MARCHF1: variants seen among roughly 807,000 people sequenced by gnomAD.
The protein encoded by MARCHF1 is E3 ubiquitin-protein ligase MARCHF1.
A neutral mutation model predicts 54.2 loss-of-function variants in MARCHF1; 40 were observed. That is an observed-to-expected ratio of 0.74 (90% CI 0.57 to 0.96). The LOEUF is 0.96. Among genes scored for constraint, MARCHF1 ranks in the 40% least tolerant of loss-of-function variants. The pLI is 0.00. For missense variants in MARCHF1, 586 were observed against 656.5 expected, an observed-to-expected ratio of 0.89 and a Z score of 1.17; for synonymous variants, 236 against 236.3, an observed-to-expected ratio of 1.00 and a Z score of 0.01.
At chr4:164,301,111 A>C (rs547957774) in intron 1 of MARCHF1, among the ~76,000 whole-genome samples, 12 of 152,290 alleles carry the variant, frequency 7.9e-5, no homozygotes, top group African/African-American at 1.9e-4. Flanking sequence ...CTTATGCATA[A>C]TTAATATATT....
In MARCHF1 at chr4:164,303,279, T is replaced by C. The variant is rs562776148; in HGVS notation, c.-323+80591A>G. On this transcript the variant is annotated intron_variant, in intron 1 of 9. Transcript: ENST00000514618. The stretch of plus-strand genomic sequence containing the variant: ...TGCTTTATAATTTGTGACCAAACTT[T>C]ATGATTTATTCCAGTGCAATAAAGG... 2.0e-5 allele frequency among the ~76,000 whole-genome samples: 3 copies of C among 152,354 alleles called. No homozygotes were observed. The South Asian group carries it at 6.2e-4, about 32-fold the overall frequency.
At chr4:164,291,364 C>T (rs1201048735) in intron 1 of MARCHF1, among the ~76,000 whole-genome samples, 1 of 151,956 alleles carries the variant, frequency 6.6e-6, no homozygotes, top group African/African-American at 2.4e-5. Flanking sequence ...AATAAACTTT[C>T]TTTAAACTAA....
intron 3 of MARCHF1, among the ~76,000 whole-genome samples, chr4:163,976,235 C>A (rs771501640): frequency 9.9e-5 from 15 of 152,026 alleles, no homozygotes; most frequent in Non-Finnish European, 1.8e-4. Flanking sequence ...GTGTAGAGGA[C>A]AAATAACTTG....
At chr4:163,966,152 T>G (rs542447571) in intron 3 of MARCHF1, among the ~76,000 whole-genome samples, 1 of 152,076 alleles carries the variant, frequency 6.6e-6, no homozygotes. Context: ...ATGTGCTATA[T>G]TACACTAATA....
chr4:163,868,110 T>C (rs1405176720), intron 3 of MARCHF1, among the ~76,000 whole-genome samples: 1 of 151,886 alleles, frequency 6.6e-6, no homozygotes, highest in Non-Finnish European at 1.5e-5. Context: ...CTCCAAGAAA[T>C]GGATGGGTGC....
intron 1 of MARCHF1, among the ~76,000 whole-genome samples, chr4:164,166,650 C>A (rs983339527): frequency 1.3e-5 from 2 of 151,624 alleles, no homozygotes; most frequent in African/African-American, 4.8e-5. Flanking sequence ...CTAGCAGGAG[C>A]AATCAGACAA....
At chr4:163,780,366 C>T (rs899604378) in intron 4 of MARCHF1, among the ~76,000 whole-genome samples, 5 of 152,092 alleles carry the variant, frequency 3.3e-5, no homozygotes, top group African/African-American at 4.8e-5. Flanking sequence ...TGGAATATGT[C>T]GTATTTTGAT....
chr4:163,854,981 G>T (rs1297808294), intron 3 of MARCHF1, among the ~76,000 whole-genome samples: 3 of 152,080 alleles, frequency 2.0e-5, no homozygotes, highest in Admixed American at 6.6e-5. Flanking sequence ...TTAGTTAAAT[G>T]CATTACACTG....
chr4:163,774,827 T>A (rs1747259719), intron 4 of MARCHF1, among the ~76,000 whole-genome samples: 3 of 152,112 alleles, frequency 2.0e-5, no homozygotes, highest in Admixed American at 1.3e-4. Context: ...CTTTATTTCA[T>A]TATCTCAATT....
At chr4:164,321,049 C>T (rs1735130005) in intron 1 of MARCHF1, among the ~76,000 whole-genome samples, 1 of 152,130 alleles carries the variant, frequency 6.6e-6, no homozygotes, top group African/African-American at 2.4e-5. Flanking sequence ...ACATGTGACA[C>T]AACGGCCACT....
intron 3 of MARCHF1, among the ~76,000 whole-genome samples, chr4:163,922,272 G>T (rs548138534): frequency 6.6e-6 from 1 of 152,028 alleles, no homozygotes; most frequent in Non-Finnish European, 1.5e-5. Flanking sequence ...TAAATGACGA[G>T]GTGATGGGTG....
rs75144459 is a variant in MARCHF1 at position 163,736,921 on chromosome 4, A to C, written c.112-36058T>G. ...ATATCATTTTTTAGTTTTCTCCCTT[A>C]ATACTCCAAAGTGAAAAGCCTAATA... On this transcript the variant is annotated intron_variant, in intron 4 of 9. Transcript: ENST00000514618. Among the ~76,000 whole-genome samples, 1,151 of 152,120 alleles carry C rather than the reference A, an allele frequency of 7.6e-3. 8 individuals carry two copies. Among genetic ancestry groups the C allele is most frequent in the South Asian group, 0.022 (104 of 4,824 alleles).
rs549425354 is a variant in MARCHF1 at position 164,063,982 on chromosome 4, C to A, written c.-248+47606G>T. Among the ~76,000 whole-genome samples, 19 of 152,154 alleles carry A rather than the reference C, an allele frequency of 1.2e-4. No individual in the cohort carries two copies. In the South Asian group the frequency reaches 3.5e-3, roughly 28 times the overall value. On this transcript the variant is annotated intron_variant, in intron 2 of 9. Coordinates refer to ENST00000514618, the MANE Select transcript of MARCHF1 (RefSeq NM_001394959.1). ...GATCAGATAGTTGTATGTGTGTGGT[C>A]TTATTCATGAGTTCTCTGTTCTGTT...
intron 2 of MARCHF1, among the ~76,000 whole-genome samples, chr4:164,080,938 G>A (rs34616670): frequency 0.25 from 37,251 of 151,284 alleles, 5,854 homozygotes; most frequent in Non-Finnish European, 0.36. Context: ...GCCGGGCGTG[G>A]TGGCTCACGC....
At chr4:163,907,080 C>T (rs1751087138) in intron 3 of MARCHF1, among the ~76,000 whole-genome samples, 1 of 151,940 alleles carries the variant, frequency 6.6e-6, no homozygotes, top group African/African-American at 2.4e-5. Context: ...ATCTGATAAT[C>T]CAAATTATAC....
chr4:163,947,846 T>C (rs903717898), intron 3 of MARCHF1, among the ~76,000 whole-genome samples: 1 of 152,252 alleles, frequency 6.6e-6, no homozygotes, highest in Non-Finnish European at 1.5e-5. Context: ...TAATTTACCA[T>C]AGTTTTCCAT....
chr4:164,276,350 C>A (rs1298623771), intron 1 of MARCHF1, among the ~76,000 whole-genome samples: 1 of 152,150 alleles, frequency 6.6e-6, no homozygotes, highest in African/African-American at 2.4e-5. Context: ...ACCACCTCAG[C>A]TTTCTCCATT....
chr4:164,119,900 T>G (rs371494532), intron 1 of MARCHF1, among the ~76,000 whole-genome samples: 18 of 151,894 alleles, frequency 1.2e-4, no homozygotes, highest in Admixed American at 7.9e-4. Context: ...TTTTCACAAA[T>G]GAAATCAATC....
intron 1 of MARCHF1, among the ~76,000 whole-genome samples, chr4:164,158,510 G>A (rs1299073195): frequency 1.3e-5 from 2 of 151,932 alleles, no homozygotes; most frequent in African/African-American, 4.8e-5. Context: ...GTGTGGTGAC[G>A]GGCGCCTATA....
Sources: gnomAD v4.1 joint callset for allele counts (sites outside exome capture counted in the v4.1 genomes callset) on GRCh38, gnomAD v4.1.1 for gene constraint, MANE v1.5 for transcripts, NCBI Gene and HGNC (gene_info 2026-07-23, HGNC 2026-07-21) for gene names.